Variants in HDAC7 observed in about 807,000 individuals in gnomAD.
HDAC7 encodes the protein histone deacetylase 7.
Under a neutral mutation model 115.5 loss-of-function variants are expected in HDAC7, and 26 were observed. The ratio of observed to expected loss-of-function variants is 0.23; its 90% CI spans 0.16 to 0.31. The LOEUF is 0.31. HDAC7 is among the 10% of genes least tolerant of loss of function. HDAC7 has a pLI of 1.00. For synonymous variants in HDAC7, 564 were observed against 550.9 expected (o/e 1.02, Z -0.33); for missense variants, 1,068 against 1,329.0 (o/e 0.80, Z 3.05).
chr12:47,808,320 C>T (rs1363354951), intron 1 of HDAC7, among the ~76,000 whole-genome samples: 1 of 152,140 alleles, frequency 6.6e-6, no homozygotes, highest in Non-Finnish European at 1.5e-5. Context: ...CCAGTGTCGC[C>T]CCCCCACCCC....
intron 1 of HDAC7, among the ~76,000 whole-genome samples, chr12:47,805,120 G>C (rs1202027277): frequency 1.3e-5 from 2 of 151,646 alleles, no homozygotes; most frequent in Non-Finnish European, 2.9e-5. Context: ...GCCCAGGCTG[G>C]AGTGCAGTGA....
chr12:47,799,537 C>G (rs1944061334), intron 2 of HDAC7, among the ~76,000 whole-genome samples: 1 of 152,230 alleles, frequency 6.6e-6, no homozygotes, highest in African/African-American at 2.4e-5. Flanking sequence ...TGCCTCAAGC[C>G]TACAGCCAGC....
intron 1 of HDAC7, among the ~76,000 whole-genome samples, chr12:47,815,930 C>T (rs1325412080): frequency 7.2e-6 from 1 of 138,248 alleles, no homozygotes; most frequent in Non-Finnish European, 1.5e-5. Flanking sequence ...GTCTTGCTGT[C>T]ACCCAGGCTG....
chr12:47,807,435 G>A (rs955128015), intron 1 of HDAC7, among the ~76,000 whole-genome samples: 1 of 152,088 alleles, frequency 6.6e-6, no homozygotes, highest in African/African-American at 2.4e-5. Context: ...AAATGAGTAC[G>A]CTGAGGCCCA....
intron 1 of HDAC7, chr12:47,802,504 A>G: frequency 6.4e-7 from 1 of 1,550,606 alleles, no homozygotes; most frequent in Non-Finnish European, 8.7e-7. Flanking sequence ...CAAGTCACTC[A>G]TTCTAAATGA....
intron 7 of HDAC7, 82 bp from the exon 8 acceptor site, chr12:47,796,380 C>A: frequency 5.6e-6 from 5 of 887,576 alleles, no homozygotes; most frequent in Middle Eastern, 2.9e-4. Context: ...GTGCAGGAGA[C>A]CCGGGAGCAC....
chr12:47,799,240 T>C (rs1944045532), intron 2 of HDAC7: 2 of 406,736 alleles, frequency 4.9e-6, no homozygotes, highest in South Asian at 1.3e-4. Flanking sequence ...TCCACCACAG[T>C]GCTCCTCCAC....
At chr12:47,789,135 C>T (rs1201790419) in intron 19 of HDAC7, 126 bp downstream of exon 19, 23 of 773,346 alleles carry the variant, frequency 3.0e-5, no homozygotes, top group Non-Finnish European at 4.6e-5. Flanking sequence ...AAATTTTACA[C>T]AAGGGGAAAC....
chr12:47,795,958 G>C lies in HDAC7; in HGVS notation c.854C>G (p.Pro285Arg), dbSNP rs986985628. ...GATTGCGGGCAGCAAGGACACTGTC[G>C]GCAAGGCGAACGGGGCCACAGAAGT... ...QETSVAPFAL[P>R]TVSLLPAITL... is the part of the protein sequence containing the mutation. The change falls in exon 9 of 26, where the codon CCG becomes CGG. Residue 285 changes from proline to arginine, a missense_variant. Physicochemically the swap from Pro to Arg is moderately radical, Grantham distance 103. Coordinates refer to ENST00000080059, the MANE Select transcript of HDAC7 (RefSeq NM_015401.5). This position sits in a 1 kb window ranked among gnomAD's most constrained non-coding sequence, Gnocchi z 4.3. 2 of 1,550,482 alleles carry C rather than the reference G, an allele frequency of 1.3e-6. No homozygotes were observed. The highest frequency in any genetic ancestry group is 4.9e-5 in the East Asian group (2 of 41,018).
At position 47,798,230 on chromosome 12, in the gene HDAC7, A is replaced by T; in HGVS notation, c.350-11T>A. ...TGCTGGCTACAGCACCTGTAGGGGC[A>T]GAGTCAGGAGGGGGCTGGAGGTGGG... is the stretch of plus-strand genomic sequence containing the variant. On this transcript the variant is annotated splice_polypyrimidine_tract_variant and intron_variant, in intron 4 of 25. Coordinates refer to ENST00000080059, the MANE Select transcript of HDAC7 (RefSeq NM_015401.5). The surrounding 1 kb of genome is among the most constrained non-coding windows in gnomAD (Gnocchi z 4.3). The T allele has an allele frequency of 6.2e-7, 1 of 1,603,568 alleles. No homozygotes were observed. The highest frequency in any genetic ancestry group is 8.5e-7 in the Non-Finnish European group (1 of 1,170,808).
chr12:47,810,603 A>G (rs1184682934), intron 1 of HDAC7, among the ~76,000 whole-genome samples: 1 of 152,180 alleles, frequency 6.6e-6, no homozygotes, highest in Non-Finnish European at 1.5e-5. Context: ...TGTACCATTT[A>G]AACACTTTAC....
intron 2 of HDAC7, chr12:47,799,191 C>T (rs1243156116): frequency 2.0e-6 from 1 of 496,516 alleles, no homozygotes; most frequent in South Asian, 3.6e-5. Flanking sequence ...TGCACAGTAA[C>T]ACTGTATCAC....
In HDAC7 at chr12:47,798,351, A is replaced by T; in HGVS notation, c.350-132T>A. On this transcript the variant is annotated intron_variant, in intron 4 of 25. Coordinates refer to ENST00000080059, the MANE Select transcript of HDAC7 (RefSeq NM_015401.5). The surrounding 1 kb of genome is among the most constrained non-coding windows in gnomAD (Gnocchi z 4.3). ...ACTCCCTAGGCAAGAGCCAAGCCCG[A>T]GGCCCTACCCCTCCCTAGAGCCTCC... 2.4e-6 allele frequency: 2 copies of T among 832,846 alleles called. No individual in the cohort carries two copies. The highest frequency in any genetic ancestry group is 3.9e-6 in the Non-Finnish European group (2 of 506,398). The allele number at this position is 832,846 out of a possible 1,614,324, so 51.6% of individuals were successfully genotyped here. A position where few individuals can be genotyped will look rare whatever the true frequency, so the allele number is the denominator to read the frequency against.
intron 13 of HDAC7, chr12:47,792,437 T>G: frequency 5.9e-6 from 2 of 340,804 alleles, no homozygotes; most frequent in Non-Finnish European, 1.2e-5. Flanking sequence ...GGGAAAAGAA[T>G]TCCTAGGAAA....
chr12:47,795,098 G>T lies in HDAC7; in HGVS notation c.1284+86C>A. 1 of 1,351,642 alleles carries T rather than the reference G, an allele frequency of 7.4e-7. No individual in the cohort carries two copies. The highest frequency in any genetic ancestry group is 1.0e-6 in the Non-Finnish European group (1 of 967,340). The allele number at this position is 1,351,642 out of a possible 1,614,324, so 83.7% of individuals were successfully genotyped here. ...CCCCTCTTTTGCCCTCCAGTTCCCTGCCCTTTCTAAGTACCCCTCTTCTTT... is the reference window on the plus strand; with the variant it reads ...CCCCTCTTTTGCCCTCCAGTTCCCTTCCCTTTCTAAGTACCCCTCTTCTTT... On this transcript the variant is annotated intron_variant, in intron 11 of 25. Transcript: ENST00000080059. The surrounding 1 kb of genome is among the most constrained non-coding windows in gnomAD (Gnocchi z 4.3).
chr12:47,804,650 T>C (rs1944316614), intron 1 of HDAC7, among the ~76,000 whole-genome samples: 1 of 152,152 alleles, frequency 6.6e-6, no homozygotes, highest in African/African-American at 2.4e-5. Context: ...TTCTATCTTC[T>C]TTGGAGGCAA....
chr12:47,784,923 A>G, intron 24 of HDAC7: 1 of 669,082 alleles, frequency 1.5e-6, no homozygotes, highest in Non-Finnish European at 2.5e-6. Flanking sequence ...ATGGGTCTTG[A>G]CATAAGATGC....
Position 47,784,342 on chromosome 12 carries a change from T to C in HDAC7, c.2792-125A>G. On this transcript the variant is annotated intron_variant, in intron 24 of 25. Coordinates refer to ENST00000080059, the MANE Select transcript of HDAC7 (RefSeq NM_015401.5). Reference sequence around the variant, plus strand: ...CCGGAGGAGCGGGCCTGTCCTCCACTTAGGGTCGGCTCTCCCACCTGCCCC... The same window carrying C: ...CCGGAGGAGCGGGCCTGTCCTCCACCTAGGGTCGGCTCTCCCACCTGCCCC... 11 of 1,085,522 alleles carry C rather than the reference T, an allele frequency of 1.0e-5. No individual in the cohort carries two copies. The South Asian group carries it at 1.3e-4, about 13-fold the overall frequency. The allele number at this position is 1,085,522 out of a possible 1,614,324, so 67.2% of individuals were successfully genotyped here.
chr12:47,797,291 G>GGGC lies in HDAC7; in HGVS notation c.577+92_577+93insGCC. On this transcript the variant is annotated intron_variant, in intron 6 of 25. Transcript: ENST00000080059. This position sits in a 1 kb window ranked among gnomAD's most constrained non-coding sequence, Gnocchi z 5.5. Reference sequence around the variant, plus strand: ...AGCCTACCGATGATCTCCTGGCCCAGCCCAGCCCGCCCACCCCTGCACACT... The same window carrying GGGC: ...AGCCTACCGATGATCTCCTGGCCCAGGGCCCCAGCCCGCCCACCCCTGCACACT... The GGGC allele has an allele frequency of 2.2e-6, 3 of 1,336,186 alleles. No homozygotes were observed. Among genetic ancestry groups the GGGC allele is most frequent in the Non-Finnish European group, 3.2e-6 (3 of 948,948 alleles). The allele number at this position is 1,336,186 out of a possible 1,614,324, so 82.8% of individuals were successfully genotyped here. A position where few individuals can be genotyped will look rare whatever the true frequency, so the allele number is the denominator to read the frequency against.
Sources: gnomAD v4.1 joint callset for allele counts (sites outside exome capture counted in the v4.1 genomes callset) on GRCh38, gnomAD v4.1.1 for gene constraint, Gnocchi (gnomAD v3.1) non-coding constraint, MANE v1.5 for transcripts, NCBI Gene and HGNC (gene_info 2026-07-23, HGNC 2026-07-21) for gene names.